Variants in SORL1 observed in about 807,000 individuals in gnomAD.
The protein encoded by SORL1 is sortilin-related receptor.
In SORL1, 127 loss-of-function variants were observed where a neutral mutation model predicts 273.7. That is an observed-to-expected ratio of 0.46 (90% CI 0.40 to 0.54). SORL1 has a LOEUF of 0.54. SORL1 is among the 20% of genes least tolerant of loss of function. The pLI, the probability that SORL1 is intolerant of heterozygous loss-of-function variation, is 0.00. For synonymous variants in SORL1, 1,031 were observed against 1,067.4 expected (o/e 0.97, Z 0.66); for missense variants, 2,494 against 2,846.1 (o/e 0.88, Z 2.81).
chr11:121,607,139 TG>T, intron 36 of SORL1, 46 bp from the exon 37 acceptor site: 1 of 1,257,770 alleles, frequency 8.0e-7, no homozygotes, highest in Non-Finnish European at 1.2e-6. Flanking sequence ...TAGGATGCCC[TG>T]GACCTTTGGT....
At chr11:121,453,600 A>C (rs1489973419) in intron 1 of SORL1, among the ~76,000 whole-genome samples, 1 of 152,236 alleles carries the variant, frequency 6.6e-6, no homozygotes, top group Non-Finnish European at 1.5e-5. Context: ...CTTTTGAAGT[A>C]GAAATTATTA....
intron 24 of SORL1, 155 bp from the exon 25 acceptor site, chr11:121,577,126 C>T: frequency 8.8e-7 from 1 of 1,139,724 alleles, no homozygotes; most frequent in Non-Finnish European, 1.3e-6. Context: ...TGTTAAATGA[C>T]CTTTTGTCCC....
In SORL1 at chr11:121,595,488, C is replaced by A; in HGVS notation, c.4370-135C>A. ...TGTCTGTATCTACTCTGCTCTCTAT[C>A]CGGAACTCGCATTTGTCTTCAGGTT... On this transcript the variant is annotated intron_variant, in intron 31 of 47. Coordinates refer to ENST00000260197, the MANE Select transcript of SORL1 (RefSeq NM_003105.6). The surrounding 1 kb of genome is among the most constrained non-coding windows in gnomAD (Gnocchi z 5.1). 1 of 783,702 alleles carries A rather than the reference C, an allele frequency of 1.3e-6. No homozygotes were observed. The highest frequency in any genetic ancestry group is 2.1e-6 in the Non-Finnish European group (1 of 479,464). 48.5% of individuals were successfully genotyped at this position (783,702 alleles called of 1,614,324 possible).
At chr11:121,501,598 T>A (rs1386004023) in intron 6 of SORL1, among the ~76,000 whole-genome samples, 1 of 151,888 alleles carries the variant, frequency 6.6e-6, no homozygotes, top group East Asian at 1.9e-4. Flanking sequence ...AGGCGGAAGG[T>A]GAAGGAGGAG....
intron 32 of SORL1, among the ~76,000 whole-genome samples, chr11:121,600,118 G>A (rs761762591): frequency 6.6e-6 from 1 of 152,168 alleles, no homozygotes; most frequent in Non-Finnish European, 1.5e-5. Context: ...GATTTACAAA[G>A]GGAAGCTAAA....
chr11:121,586,243 G>T lies in SORL1; in HGVS notation c.3728G>T (p.Arg1243Leu). 2 of 1,613,468 alleles carry T rather than the reference G, an allele frequency of 1.2e-6. No homozygotes were observed. The highest frequency in any genetic ancestry group is 8.5e-7 in the Non-Finnish European group (1 of 1,179,462). ...VNCEKKCNGF[R>L]CPNGTCIPSS... is the part of the protein sequence containing the mutation. The stretch of plus-strand genomic sequence containing the variant: ...TCAGAGAAGAAGTGCAATGGATTCC[G>T]CTGCCCAAACGGCACTTGCATCCCA... The change falls in exon 27 of 48, where the codon CGC becomes CTC. Residue 1243 changes from arginine (R) to leucine (L), a missense_variant. This residue lies in a region of SORL1 where 1,609 missense variants were observed against 1,816.4 expected (regional missense o/e 0.89). Coordinates refer to ENST00000260197, the MANE Select transcript of SORL1 (RefSeq NM_003105.6).
chr11:121,472,126 C>T (rs1454502462), intron 2 of SORL1, among the ~76,000 whole-genome samples: 1 of 152,088 alleles, frequency 6.6e-6, no homozygotes. Flanking sequence ...GCCTGAGTGA[C>T]AGTGAGACCC....
chr11:121,501,614 G>A (rs1480032208), intron 6 of SORL1, among the ~76,000 whole-genome samples: 1 of 152,214 alleles, frequency 6.6e-6, no homozygotes, highest in Non-Finnish European at 1.5e-5. Context: ...AGGAGCAAAG[G>A]CATGGCTTAC....
chr11:121,629,318 G>T, intron 47 of SORL1, 178 bp from the exon 48 acceptor site: 1 of 537,932 alleles, frequency 1.9e-6, no homozygotes, highest in Non-Finnish European at 3.3e-6. Context: ...AGGTGGCCAG[G>T]AGGGACAGTG....
chr11:121,624,278 TG>T (rs1863763572), intron 45 of SORL1, among the ~76,000 whole-genome samples: 1 of 152,106 alleles, frequency 6.6e-6, no homozygotes, highest in Non-Finnish European at 1.5e-5. Flanking sequence ...GCCCAATATG[TG>T]GCTAGAGAAA....
chr11:121,462,716 C>A (rs1861020540), intron 1 of SORL1, among the ~76,000 whole-genome samples: 1 of 152,186 alleles, frequency 6.6e-6, no homozygotes, highest in South Asian at 2.1e-4. Context: ...TCCCTAGTAG[C>A]TGGGACTACA....
rs118042076 is a variant in SORL1 at position 121,555,788 on chromosome 11, T to C, written c.2571+470T>C. Among the ~76,000 whole-genome samples, 40 of 152,304 alleles carry C rather than the reference T, an allele frequency of 2.6e-4. No homozygotes were observed. In the East Asian group the frequency reaches 6.8e-3, roughly 26 times the overall value. On this transcript the variant is annotated intron_variant, in intron 18 of 47. Transcript: ENST00000260197. ...TGCCACTGTTATTAATCCCCATTTC[T>C]CTGCAACTTAGCTACCTAGTAACCT...
At chr11:121,611,415 G>C in intron 39 of SORL1, 1 of 331,168 alleles carries the variant, frequency 3.0e-6, no homozygotes, top group Admixed American at 4.5e-5. Context: ...ATGGTTCACA[G>C]CTACAGTGCA....
intron 12 of SORL1, among the ~76,000 whole-genome samples, chr11:121,538,951 A>G (rs1862307868): frequency 6.6e-6 from 1 of 152,222 alleles, no homozygotes; most frequent in African/African-American, 2.4e-5. Context: ...TGCTGGGATT[A>G]CAGGCGTGAG....
At chr11:121,512,268 G>A (rs769599574) in intron 6 of SORL1, among the ~76,000 whole-genome samples, 1 of 152,186 alleles carries the variant, frequency 6.6e-6, no homozygotes, top group Admixed American at 6.5e-5. Context: ...TTTTGTATAT[G>A]AATAAACTGA....
Position 121,599,663 on chromosome 11 carries a change from G to A in SORL1, c.4519+3891G>A, listed in dbSNP as rs539364747. On this transcript the variant is annotated intron_variant, in intron 32 of 47. Transcript: ENST00000260197. ...TGTCATGTCTTTCAGTTGTAAGGTT[G>A]AGCTTTGTCATTTACTTTCAAAGTT... Among the ~76,000 whole-genome samples, 3 of 152,202 alleles carry A rather than the reference G, an allele frequency of 2.0e-5. No individual in the cohort carries two copies. In the East Asian group the frequency reaches 5.8e-4, roughly 29 times the overall value.
Position 121,605,495 on chromosome 11 carries a change from G to T in SORL1, c.4872G>T (p.Gln1624His), listed in dbSNP as rs777428796. The change falls in exon 35 of 48, where the codon CAG (glutamine) becomes CAT (histidine). Residue 1624 changes from glutamine to histidine, a missense_variant. By Grantham distance (24) the Gln-to-His change is conservative. This residue lies in a region of SORL1 where 1,609 missense variants were observed against 1,816.4 expected (regional missense o/e 0.89). Coordinates refer to ENST00000260197, the MANE Select transcript of SORL1 (RefSeq NM_003105.6). ...TCTTGAAACCAGATACCACGTATCA[G>T]GTTAAAGTACAGGTTCAGTGTCTCA... ...LKVLKPDTTY[Q>H]VKVQVQCLSK... 2 of 1,614,150 alleles carry T rather than the reference G, an allele frequency of 1.2e-6. No individual in the cohort carries two copies. The highest frequency in any genetic ancestry group is 3.3e-5 in the Admixed American group (2 of 60,020).
Position 121,561,341 on chromosome 11 carries a change from G to A in SORL1, c.3049+1684G>A, listed in dbSNP as rs937810543. On this transcript the variant is annotated intron_variant, in intron 21 of 47. Coordinates refer to ENST00000260197, the MANE Select transcript of SORL1 (RefSeq NM_003105.6). ...CACACCTGTGACTGAGGAGCAGTGC[G>A]GGAGGAGAGAGTTTGTGGTCTCAGC... Among the ~76,000 whole-genome samples, 11 of 152,276 alleles carry A rather than the reference G, an allele frequency of 7.2e-5. No individual in the cohort carries two copies. In the South Asian group the frequency reaches 1.9e-3, roughly 26 times the overall value.
chr11:121,571,193 T>C (rs368220252), intron 23 of SORL1, among the ~76,000 whole-genome samples: 19 of 152,332 alleles, frequency 1.2e-4, no homozygotes, highest in East Asian at 7.7e-4. Flanking sequence ...CAAAGCAAAC[T>C]TGGGCAGGCC....
Sources: gnomAD v4.1 joint callset for allele counts (sites outside exome capture counted in the v4.1 genomes callset) on GRCh38, gnomAD v4.1.1 for gene constraint, gnomAD v4.1.1 regional missense constraint, Gnocchi (gnomAD v3.1) non-coding constraint, MANE v1.5 for transcripts, NCBI Gene and HGNC (gene_info 2026-07-23, HGNC 2026-07-21) for gene names.